SNX29: variants seen among roughly 807,000 people sequenced by gnomAD.
The protein encoded by SNX29 is sorting nexin 29.
SNX29 carries 78 observed loss-of-function variants against 102.1 expected under a neutral mutation model. The observed-to-expected ratio is 0.76, with a 90% CI of 0.64 to 0.92. The LOEUF (loss-of-function observed/expected upper bound fraction) is 0.92. Ranked by LOEUF, SNX29 falls within the 40% of genes least tolerant of loss-of-function variation. The pLI is 0.00. For synonymous variants in SNX29, 580 were observed against 414.5 expected (o/e 1.40, Z -4.85); for missense variants, 1,280 against 1,061.7 (o/e 1.21, Z -2.86).
At chr16:12,373,328 C>T (rs1597126152) in intron 16 of SNX29, among the ~76,000 whole-genome samples, 1 of 152,142 alleles carries the variant, frequency 6.6e-6, no homozygotes, top group Admixed American at 6.6e-5. Context: ...TGGGGTTTCA[C>T]TATATGGCCC....
At chr16:12,326,278 T>C (rs1259548268) in intron 15 of SNX29, among the ~76,000 whole-genome samples, 1 of 151,872 alleles carries the variant, frequency 6.6e-6, no homozygotes, top group Non-Finnish European at 1.5e-5. Context: ...CCCCACAAAG[T>C]GCTGGTATTA....
At chr16:12,418,347 C>G (rs2084728820) in intron 18 of SNX29, among the ~76,000 whole-genome samples, 1 of 151,312 alleles carries the variant, frequency 6.6e-6, no homozygotes, top group South Asian at 2.1e-4. Context: ...GTAGGATGTT[C>G]ATGTTGACGA....
intron 19 of SNX29, among the ~76,000 whole-genome samples, chr16:12,521,147 T>TGCACC (rs1388280900): frequency 1.4e-4 from 22 of 152,124 alleles, no homozygotes; most frequent in Admixed American, 1.4e-3. Flanking sequence ...GTCACTGCAC[T>TGCACC]GCACCCTGGG....
At chr16:12,476,944 C>T (rs1342195550) in intron 18 of SNX29, among the ~76,000 whole-genome samples, 1 of 152,060 alleles carries the variant, frequency 6.6e-6, no homozygotes, top group Non-Finnish European at 1.5e-5. Flanking sequence ...TCCTTGGGGA[C>T]TTTTCTCTCT....
intron 18 of SNX29, among the ~76,000 whole-genome samples, chr16:12,448,522 T>C (rs1000480040): frequency 1.2e-4 from 18 of 152,080 alleles, no homozygotes; most frequent in Non-Finnish European, 2.9e-5. Flanking sequence ...ACTGCAGTTA[T>C]TTTTCATGGT....
intron 13 of SNX29, among the ~76,000 whole-genome samples, chr16:12,158,426 C>T (rs968444232): frequency 6.6e-6 from 1 of 152,188 alleles, no homozygotes; most frequent in Non-Finnish European, 1.5e-5. Context: ...TCTCGAACTC[C>T]TGACCTCAAG....
intron 18 of SNX29, among the ~76,000 whole-genome samples, chr16:12,425,529 T>TAA (rs57793049): frequency 5.1e-5 from 4 of 78,418 alleles, no homozygotes; most frequent in Admixed American, 1.5e-4. Context: ...TGACCAGAGT[T>TAA]AAAAAAAAAA....
chr16:12,170,981 T>G (rs1237062518), intron 13 of SNX29, among the ~76,000 whole-genome samples: 1 of 151,980 alleles, frequency 6.6e-6, no homozygotes, highest in African/African-American at 2.4e-5. Context: ...CCAGCGTGTT[T>G]AGGGTGTTAG....
chr16:12,312,361 A>T (rs2080585500), intron 15 of SNX29, among the ~76,000 whole-genome samples: 1 of 152,190 alleles, frequency 6.6e-6, no homozygotes, highest in Admixed American at 6.6e-5. Flanking sequence ...CACTTAGCAG[A>T]GGTTGAGTTG....
In SNX29 at chr16:12,568,082, C is replaced by T. The variant is rs191115442; in HGVS notation, c.2319-424C>T. On this transcript the variant is annotated intron_variant, in intron 20 of 20. Transcript: ENST00000566228. Reference sequence around the variant, plus strand: ...CTTAGGATTAATTCCACAGGAAGTCCGTCTCCTGTGTTTTGCTACGCATCT... The same window carrying T: ...CTTAGGATTAATTCCACAGGAAGTCTGTCTCCTGTGTTTTGCTACGCATCT... Among the ~76,000 whole-genome samples, 43 of 152,272 alleles carry T rather than the reference C, an allele frequency of 2.8e-4. 2 individuals carry two copies. The highest frequency in any genetic ancestry group is 7.7e-4 in the East Asian group (4 of 5,166).
rs554567589 is a variant in SNX29, at chr16:12,104,519, G to A, written c.1403-22114G>A. Among the ~76,000 whole-genome samples the A allele has an allele frequency of 4.7e-3, 717 of 152,016 alleles. 11 individuals are homozygous for A. Among genetic ancestry groups the A allele is most frequent in the Non-Finnish European group, 8.4e-3 (569 of 67,964 alleles). On this transcript the variant is annotated intron_variant, in intron 11 of 20. Coordinates refer to ENST00000566228, the MANE Select transcript of SNX29 (RefSeq NM_032167.5). ...TGCAGTGAGCTGAGATTGCACCACT[G>A]CACTCCAGCCTGGGTGACAGAGCGA... is the stretch of plus-strand genomic sequence containing the variant.
At chr16:12,325,185 T>C (rs2081079945) in intron 15 of SNX29, among the ~76,000 whole-genome samples, 1 of 152,188 alleles carries the variant, frequency 6.6e-6, no homozygotes, top group Non-Finnish European at 1.5e-5. Flanking sequence ...AAATCTGAAA[T>C]GTCTGCATTT....
chr16:12,410,151 C>T (rs12927878), intron 18 of SNX29, among the ~76,000 whole-genome samples: 76,555 of 151,764 alleles, frequency 0.5, 20,154 homozygotes, highest in Non-Finnish European at 0.59. Context: ...CCCATCACCA[C>T]GCCTGGCTAA....
At chr16:12,556,945 C>G (rs370244718) in intron 20 of SNX29, among the ~76,000 whole-genome samples, 2,211 of 21,594 alleles carry the variant, frequency 0.1, 54 homozygotes, top group African/African-American at 0.28. Flanking sequence ...CTCTGCCGCT[C>G]AGGCTCAGTC....
At chr16:12,029,041 T>C (rs1228983577) in intron 4 of SNX29, among the ~76,000 whole-genome samples, 1 of 152,144 alleles carries the variant, frequency 6.6e-6, no homozygotes, top group East Asian at 1.9e-4. Flanking sequence ...CCACTGCGCC[T>C]GGCCTTGGTA....
chr16:12,225,373 G>A (rs1247100852), intron 14 of SNX29, among the ~76,000 whole-genome samples: 1 of 152,084 alleles, frequency 6.6e-6, no homozygotes, highest in Admixed American at 6.5e-5. Flanking sequence ...CCGGTGGGAG[G>A]TAATAGAATC....
intron 15 of SNX29, among the ~76,000 whole-genome samples, chr16:12,351,885 A>C (rs975943129): frequency 2.0e-5 from 3 of 152,140 alleles, no homozygotes; most frequent in Non-Finnish European, 2.9e-5. Context: ...TTCTTGAGGA[A>C]CAGTGATTGA....
chr16:12,013,501 ATATATATATAT>A (rs1397835415), intron 3 of SNX29, among the ~76,000 whole-genome samples: 947 of 40,882 alleles, frequency 0.023, 142 homozygotes, highest in East Asian at 0.098. Flanking sequence ...AAAAAAAAAA[ATATATATATAT>A]ATATATATAT....
Position 12,398,511 on chromosome 16 carries a change from C to T in SNX29, c.1955+10C>T, listed in dbSNP as rs533587399. On this transcript the variant is annotated intron_variant, in intron 17 of 20. Transcript: ENST00000566228. Reference sequence around the variant, plus strand: ...TGTCGGATTTTGAAATGTAAGTCCACAGCCTGTGCTCACAAGGGGTCCTTT... The same window carrying T: ...TGTCGGATTTTGAAATGTAAGTCCATAGCCTGTGCTCACAAGGGGTCCTTT... 6 of 1,613,936 alleles carry T rather than the reference C, an allele frequency of 3.7e-6. No homozygotes were observed. In the African/African-American group the frequency reaches 6.7e-5, roughly 18 times the overall value.
Sources: gnomAD v4.1 joint callset for allele counts (sites outside exome capture counted in the v4.1 genomes callset) on GRCh38, gnomAD v4.1.1 for gene constraint, MANE v1.5 for transcripts, NCBI Gene and HGNC (gene_info 2026-07-23, HGNC 2026-07-21) for gene names.